Variants in MOB3B observed in about 807,000 individuals in gnomAD.
MOB3B encodes the protein MOB kinase activator-like 2B.
MOB3B carries 7 observed loss-of-function variants against 18.7 expected under a neutral mutation model. That is an observed-to-expected ratio of 0.37 (90% CI 0.21 to 0.70). The LOEUF (loss-of-function observed/expected upper bound fraction) is 0.70, where lower values mean the gene tolerates loss of function less well. Among genes scored for constraint, MOB3B ranks in the 30% least tolerant of loss-of-function variants. The pLI is 0.52. For synonymous variants in MOB3B, 111 were observed against 99.9 expected (o/e 1.11, Z -0.66); for missense variants, 253 against 281.3 (o/e 0.90, Z 0.72).
At chr9:27,374,050 G>A (rs1175082460) in intron 2 of MOB3B, among the ~76,000 whole-genome samples, 4 of 152,184 alleles carry the variant, frequency 2.6e-5, no homozygotes, top group African/African-American at 4.8e-5. Flanking sequence ...CGATCCAGCT[G>A]TTTCTATACG....
intron 2 of MOB3B, among the ~76,000 whole-genome samples, chr9:27,400,466 T>C (rs1821861512): frequency 6.6e-6 from 1 of 152,184 alleles, no homozygotes; most frequent in Non-Finnish European, 1.5e-5. Flanking sequence ...CTTCCCAAAC[T>C]GCCAGGCACA....
intron 1 of MOB3B, among the ~76,000 whole-genome samples, chr9:27,483,323 G>T (rs1351051931): frequency 6.6e-6 from 1 of 151,808 alleles, no homozygotes; most frequent in Non-Finnish European, 1.5e-5. Context: ...TAATAGAAAC[G>T]GGGTTTCACC....
intron 2 of MOB3B, 123 bp from the exon 3 acceptor site, chr9:27,359,359 C>A (rs1350918346): frequency 3.6e-6 from 2 of 558,962 alleles, no homozygotes; most frequent in Non-Finnish European, 6.1e-6. Flanking sequence ...TCACAGGAGT[C>A]ATAGGGAGTG....
At chr9:27,492,316 T>C (rs1819831272) in intron 1 of MOB3B, among the ~76,000 whole-genome samples, 1 of 152,130 alleles carries the variant, frequency 6.6e-6, no homozygotes, top group African/African-American at 2.4e-5. Flanking sequence ...TTTCCTTTAA[T>C]TGAATAGAAA....
intron 2 of MOB3B, among the ~76,000 whole-genome samples, chr9:27,362,302 A>G (rs1446255309): frequency 2.0e-5 from 3 of 152,174 alleles, no homozygotes; most frequent in Admixed American, 6.5e-5. Context: ...TGTAGCTAGT[A>G]AGCAGTAGGG....
intron 1 of MOB3B, among the ~76,000 whole-genome samples, chr9:27,464,537 A>G (rs900414504): frequency 6.6e-6 from 1 of 151,948 alleles, no homozygotes; most frequent in African/African-American, 2.4e-5. Flanking sequence ...GCATATAAAT[A>G]CTCTACATTT....
intron 1 of MOB3B, among the ~76,000 whole-genome samples, chr9:27,467,673 T>C (rs533363735): frequency 2.1e-4 from 32 of 152,372 alleles, no homozygotes; most frequent in Non-Finnish European, 4.0e-4. Context: ...ATTCACTTAG[T>C]TGGCAAACCG....
chr9:27,458,517 G>GTT (rs34061911), intron 1 of MOB3B, among the ~76,000 whole-genome samples: 25 of 128,182 alleles, frequency 2.0e-4, no homozygotes, highest in African/African-American at 4.5e-4. Context: ...TTGAAGATAT[G>GTT]TTTTTTTTTT....
chr9:27,503,508 T>A (rs2492821), intron 1 of MOB3B, among the ~76,000 whole-genome samples: 38,274 of 152,142 alleles, frequency 0.25, 5,001 homozygotes, highest in East Asian at 0.33. Flanking sequence ...AAGGCGGCCC[T>A]GCCTTCTCCG....
At chr9:27,404,347 CTTTTTTTTTTTTTTTT>C (rs756275032) in intron 2 of MOB3B, among the ~76,000 whole-genome samples, 1 of 75,174 alleles carries the variant, frequency 1.3e-5, no homozygotes, top group African/African-American at 5.7e-5. Context: ...TTCTTTCTTT[CTTTTTTTTTTTTTTTT>C]TTTTTTTTTT....
chr9:27,437,458 C>T lies in MOB3B; in HGVS notation c.418+17675G>A, dbSNP rs535472123. ...TGACAACTTTCCTATCTTTATTGGA[C>T]ATTGTGCTAATCAAGGGGCCATAGC... On this transcript the variant is annotated intron_variant, in intron 2 of 3. Coordinates refer to ENST00000262244, the MANE Select transcript of MOB3B (RefSeq NM_024761.5). 7.8e-4 allele frequency among the ~76,000 whole-genome samples: 119 copies of T among 152,308 alleles called. No individual in the cohort carries two copies. In the South Asian group the frequency reaches 0.022, roughly 29 times the overall value.
chr9:27,342,342 A>G (rs1217971074), intron 3 of MOB3B, among the ~76,000 whole-genome samples: 2 of 152,180 alleles, frequency 1.3e-5, no homozygotes, highest in South Asian at 4.1e-4. Context: ...TCTTGGGAGA[A>G]CAATGATGTT....
chr9:27,503,091 C>T (rs182296124), intron 1 of MOB3B, among the ~76,000 whole-genome samples: 25 of 152,154 alleles, frequency 1.6e-4, no homozygotes, highest in Admixed American at 1.3e-4. Flanking sequence ...AAGCAGGAGC[C>T]GGACTTCAGG....
At chr9:27,441,971 A>C (rs1822600947) in intron 2 of MOB3B, among the ~76,000 whole-genome samples, 1 of 152,186 alleles carries the variant, frequency 6.6e-6, no homozygotes, top group Non-Finnish European at 1.5e-5. Context: ...AAAATGCAGA[A>C]GCGGATATGA....
chr9:27,416,179 G>A (rs1487273977), intron 2 of MOB3B, among the ~76,000 whole-genome samples: 3 of 151,970 alleles, frequency 2.0e-5, no homozygotes, highest in Admixed American at 2.0e-4. Flanking sequence ...TCATGGAAAA[G>A]GTTTGGCTAT....
intron 2 of MOB3B, among the ~76,000 whole-genome samples, chr9:27,394,946 C>A (rs1441161000): frequency 6.6e-6 from 1 of 152,210 alleles, no homozygotes; most frequent in Non-Finnish European, 1.5e-5. Flanking sequence ...TGTGAGCCAG[C>A]AGCTCTATTA....
intron 2 of MOB3B, among the ~76,000 whole-genome samples, chr9:27,422,690 A>G (rs1018515245): frequency 1.3e-5 from 2 of 152,208 alleles, no homozygotes; most frequent in African/African-American, 4.8e-5. Context: ...TTTCAAAAAA[A>G]TTGTATCTGG....
chr9:27,424,464 C>T (rs1796884112), intron 2 of MOB3B, among the ~76,000 whole-genome samples: 1 of 152,132 alleles, frequency 6.6e-6, no homozygotes, highest in Non-Finnish European at 1.5e-5. Context: ...TTTTGCTTTC[C>T]TTCTCCCATT....
rs1311988752 is a variant in MOB3B at position 27,325,977 on chromosome 9, T to G, written c.*4610A>C. On this transcript the variant is annotated 3_prime_UTR_variant, in exon 4 of 4. Transcript: ENST00000262244. Reference sequence around the variant, plus strand: ...ATGTTTTGCCAATTAAGGTTTTTTTTTTTTTTTTTTTGAAACAACAACAGT... The same window carrying G: ...ATGTTTTGCCAATTAAGGTTTTTTTGTTTTTTTTTTTGAAACAACAACAGT... The G allele has an allele frequency of 3.3e-5, 5 of 151,766 alleles. No individual in the cohort carries two copies. Among genetic ancestry groups the G allele is most frequent in the East Asian group, 1.9e-4 (1 of 5,188 alleles). The allele number at this position is 151,766 out of a possible 1,614,324, so 9.4% of individuals were successfully genotyped here.
Sources: gnomAD v4.1 joint callset for allele counts (sites outside exome capture counted in the v4.1 genomes callset) on GRCh38, gnomAD v4.1.1 for gene constraint, MANE v1.5 for transcripts, NCBI Gene and HGNC (gene_info 2026-07-23, HGNC 2026-07-21) for gene names.